CTNNA2: variants seen among roughly 807,000 people sequenced by gnomAD.
CTNNA2 encodes the protein catenin alpha 2.
A neutral mutation model predicts 101.0 loss-of-function variants in CTNNA2; 42 were observed. That is an observed-to-expected ratio of 0.42 (90% CI 0.32 to 0.54). The LOEUF (loss-of-function observed/expected upper bound fraction) is 0.54. Ranked by LOEUF, CTNNA2 falls within the 20% of genes least tolerant of loss-of-function variation. The pLI is 0.14. For synonymous variants in CTNNA2, 450 were observed against 456.4 expected (o/e 0.99, Z 0.18); for missense variants, 871 against 1,223.1 (o/e 0.71, Z 4.29).
intron 7 of CTNNA2, among the ~76,000 whole-genome samples, chr2:80,185,952 G>T (rs1706099129): frequency 6.6e-6 from 1 of 152,192 alleles, no homozygotes; most frequent in Admixed American, 6.5e-5. Flanking sequence ...AAGTAAAAAA[G>T]AGTGTAAGAG....
chr2:80,376,838 T>G (rs1676005087), intron 7 of CTNNA2, among the ~76,000 whole-genome samples: 1 of 152,188 alleles, frequency 6.6e-6, no homozygotes, highest in African/African-American at 2.4e-5. Context: ...TGAAATAGAA[T>G]CCACTCTTGA....
intron 7 of CTNNA2, among the ~76,000 whole-genome samples, chr2:80,169,845 G>A (rs889950151): frequency 6.6e-6 from 1 of 152,186 alleles, no homozygotes; most frequent in African/African-American, 2.4e-5. Context: ...TCTTAGTTCT[G>A]CCACTTGCCA....
At chr2:80,319,188 A>C (rs757995517) in intron 7 of CTNNA2, among the ~76,000 whole-genome samples, 1 of 152,156 alleles carries the variant, frequency 6.6e-6, no homozygotes, top group Non-Finnish European at 1.5e-5. Context: ...TCATTTTAGA[A>C]AAACATAATT....
chr2:80,604,817 C>T (rs1470684082), intron 16 of CTNNA2, among the ~76,000 whole-genome samples: 1 of 151,790 alleles, frequency 6.6e-6, no homozygotes, highest in African/African-American at 2.4e-5. Context: ...TTGTCGCGGA[C>T]TCTACCAGGA....
At chr2:79,905,801 C>G (rs1354862574) in intron 6 of CTNNA2, among the ~76,000 whole-genome samples, 1 of 152,102 alleles carries the variant, frequency 6.6e-6, no homozygotes, top group African/African-American at 2.4e-5. Flanking sequence ...AGATGGCTTA[C>G]CTGGGTGTTT....
At chr2:79,848,695 G>T (rs1680436515) in intron 3 of CTNNA2, among the ~76,000 whole-genome samples, 1 of 152,100 alleles carries the variant, frequency 6.6e-6, no homozygotes, top group South Asian at 2.1e-4. Context: ...GACATTTCTA[G>T]TACTTTTGCA....
At chr2:79,911,220 GA>G (rs1685772565) in intron 7 of CTNNA2, among the ~76,000 whole-genome samples, 1 of 152,192 alleles carries the variant, frequency 6.6e-6, no homozygotes, top group Non-Finnish European at 1.5e-5. Context: ...GAATGCTTAT[GA>G]AATCTGAGAC....
At chr2:79,213,084 G>T (rs1674197465) in intron 2 of CTNNA2, among the ~76,000 whole-genome samples, 1 of 152,196 alleles carries the variant, frequency 6.6e-6, no homozygotes, top group Non-Finnish European at 1.5e-5. Context: ...CATTTGCCTT[G>T]TGTGGGAAGA....
intron 7 of CTNNA2, among the ~76,000 whole-genome samples, chr2:80,051,194 G>A (rs1696856751): frequency 6.6e-6 from 1 of 152,206 alleles, no homozygotes; most frequent in Non-Finnish European, 1.5e-5. Context: ...TCATAGGATT[G>A]TCACTGGTAA....
chr2:80,399,449 A>G (rs1678354543), intron 8 of CTNNA2, among the ~76,000 whole-genome samples: 1 of 152,196 alleles, frequency 6.6e-6, no homozygotes, highest in African/African-American at 2.4e-5. Context: ...GCTTGACACT[A>G]GCAAGTCTAG....
chr2:80,278,906 T>G (rs1274007282), intron 7 of CTNNA2, among the ~76,000 whole-genome samples: 1 of 152,040 alleles, frequency 6.6e-6, no homozygotes, highest in Non-Finnish European at 1.5e-5. Flanking sequence ...GGGTTAAGGC[T>G]GCAGTGAGCC....
chr2:80,050,945 A>G (rs1158849710), intron 7 of CTNNA2, among the ~76,000 whole-genome samples: 8 of 151,764 alleles, frequency 5.3e-5, no homozygotes, highest in Non-Finnish European at 7.4e-5. Context: ...CTGTTCTAGA[A>G]CTCTTGGGCT....
chr2:79,814,012 G>C (rs888210716), intron 3 of CTNNA2, among the ~76,000 whole-genome samples: 1 of 151,910 alleles, frequency 6.6e-6, no homozygotes, highest in African/African-American at 2.4e-5. Context: ...CAGCTGCATC[G>C]CTCCAATCTC....
chr2:79,542,499 G>A (rs1285063596), intron 1 of CTNNA2, among the ~76,000 whole-genome samples: 4 of 152,060 alleles, frequency 2.6e-5, no homozygotes, highest in African/African-American at 9.7e-5. Flanking sequence ...TTTTGTCTGT[G>A]TTGAGCTTTG....
chr2:79,393,404 C>T (rs1448738565), intron 4 of CTNNA2, among the ~76,000 whole-genome samples: 1 of 152,078 alleles, frequency 6.6e-6, no homozygotes, highest in Admixed American at 6.6e-5. Flanking sequence ...AAGTATGATT[C>T]GAACACAGCC....
At chr2:80,000,614 T>A (rs535560430) in intron 7 of CTNNA2, among the ~76,000 whole-genome samples, 1 of 152,234 alleles carries the variant, frequency 6.6e-6, no homozygotes, top group East Asian at 1.9e-4. Flanking sequence ...ATATTATACT[T>A]CCTGCAAGGG....
intron 2 of CTNNA2, among the ~76,000 whole-genome samples, chr2:79,201,967 A>G (rs2104181784): frequency 6.6e-6 from 1 of 152,302 alleles, no homozygotes; most frequent in African/African-American, 2.4e-5. Context: ...TGTGAGATGT[A>G]CACTAGTTCA....
At chr2:80,069,581 A>G (rs147293655) in intron 7 of CTNNA2, among the ~76,000 whole-genome samples, 251 of 152,314 alleles carry the variant, frequency 1.6e-3, no homozygotes, top group African/African-American at 5.6e-3. Flanking sequence ...CTCTTGATAC[A>G]CCATAACTTC....
intron 15 of CTNNA2, among the ~76,000 whole-genome samples, chr2:80,601,228 C>G (rs2149767487): frequency 6.6e-6 from 1 of 152,036 alleles, no homozygotes; most frequent in South Asian, 2.1e-4. Context: ...TGTGTACCAC[C>G]TAAGTGAGCA....
Sources: allele counts gnomAD v4.1 joint callset (sites outside exome capture counted in the v4.1 genomes callset), GRCh38; gene constraint gnomAD v4.1.1; transcripts MANE v1.5; gene names NCBI Gene and HGNC (gene_info 2026-07-23, HGNC 2026-07-21).